Variants in PGM3 observed in about 807,000 individuals in gnomAD.
PGM3 encodes phosphoglucomutase 3, also known as phosphoacetylglucosamine mutase.
A neutral mutation model predicts 66.2 loss-of-function variants in PGM3; 40 were observed. The observed-to-expected ratio is 0.60, with a 90% CI of 0.47 to 0.79. PGM3 has a LOEUF of 0.79. Among genes scored for constraint, PGM3 ranks in the 30% least tolerant of loss-of-function variants. PGM3 has a pLI of 0.00. For synonymous variants in PGM3, 191 were observed against 224.2 expected, an observed-to-expected ratio of 0.85 and a Z score of 1.32; for missense variants, 537 against 643.4, an observed-to-expected ratio of 0.83 and a Z score of 1.79.
chr6:83,167,556 C>T lies in PGM3; in HGVS notation c.*1678G>A, dbSNP rs1786069843. The T allele has an allele frequency of 9.4e-7, 1 of 1,059,258 alleles. No individual in the cohort carries two copies. The highest frequency in any genetic ancestry group is 4.4e-5 in the South Asian group (1 of 22,938). 65.6% of individuals were successfully genotyped at this position (1,059,258 alleles called of 1,614,324 possible). On this transcript the variant is annotated 3_prime_UTR_variant, in exon 13 of 13. Transcript: ENST00000513973. ...AACCTGGGAGCTTTTTGAGTAAATA[C>T]AAAGCACAACATAAAACTTTTATGT...
At chr6:83,149,111 A>G in the PGM3 span, among the ~76,000 whole-genome samples, 2 of 152,186 alleles carry the variant, frequency 1.3e-5, no homozygotes, top group African/African-American at 4.8e-5. Context: ...AACTGTTACA[A>G]CAGTAGCTGT....
chr6:83,152,039 A>C, the PGM3 span: 1 of 1,613,742 alleles, frequency 6.2e-7, no homozygotes, highest in Middle Eastern at 1.6e-4. Flanking sequence ...TATTCTTGTC[A>C]AACATTTAGG....
In PGM3 at chr6:83,166,321, C is replaced by T. The variant is rs752035019; in HGVS notation, c.*2913G>A. ...TTCTCAATTGGTCATTATCAATTTC[C>T]GATGACTGGCCACTGCACTCCTCAT... On this transcript the variant is annotated 3_prime_UTR_variant, in exon 13 of 13. Coordinates refer to ENST00000513973, the MANE Select transcript of PGM3 (RefSeq NM_015599.3). 1.0e-4 allele frequency: 66 copies of T among 657,048 alleles called. No individual in the cohort carries two copies. Among genetic ancestry groups the T allele is most frequent in the Non-Finnish European group, 1.5e-4 (53 of 363,508 alleles). The allele number at this position is 657,048 out of a possible 1,614,324, so 40.7% of individuals were successfully genotyped here. A position where few individuals can be genotyped will look rare whatever the true frequency, so the allele number is the denominator to read the frequency against.
rs1459877414 is a variant in PGM3 at position 83,165,990 on chromosome 6, G to C, written c.*3244C>G. On this transcript the variant is annotated 3_prime_UTR_variant, in exon 13 of 13. Transcript: ENST00000513973. ...ATTTTTTGGAGCAAGTTTGGCTTTG[G>C]GAAGTGCTTTGGAGCTTCTTTCAGT... 19 of 325,966 alleles carry C rather than the reference G, an allele frequency of 5.8e-5. No individual in the cohort carries two copies. Among genetic ancestry groups the C allele is most frequent in the South Asian group, 4.8e-4 (15 of 31,340 alleles). 20.2% of individuals were successfully genotyped at this position (325,966 alleles called of 1,614,324 possible). A position where few individuals can be genotyped will look rare whatever the true frequency, so the allele number is the denominator to read the frequency against.
chr6:83,181,174 G>A (rs1024996799), intron 6 of PGM3, among the ~76,000 whole-genome samples: 69 of 152,146 alleles, frequency 4.5e-4, no homozygotes, highest in African/African-American at 1.6e-3. Context: ...CTCCTATTCT[G>A]CACTGAGTGG....
Position 83,169,125 on chromosome 6 carries a change from G to A in PGM3, c.*109C>T. 6.6e-7 allele frequency: 1 copy of A among 1,517,546 alleles called. No individual in the cohort carries two copies. Among genetic ancestry groups the A allele is most frequent in the Non-Finnish European group, 8.8e-7 (1 of 1,131,848 alleles). The allele number at this position is 1,517,546 out of a possible 1,614,324, so 94.0% of individuals were successfully genotyped here. A position where few individuals can be genotyped will look rare whatever the true frequency, so the allele number is the denominator to read the frequency against. On this transcript the variant is annotated 3_prime_UTR_variant, in exon 13 of 13. Transcript: ENST00000513973. ...AACAGATCTAGAGACAATCCAGTAG[G>A]CTGCATTGTAAACATTATGATTATA...
At chr6:83,152,099 G>A in the PGM3 span, 5 of 1,565,684 alleles carry the variant, frequency 3.2e-6, no homozygotes, top group Non-Finnish European at 4.4e-6. Context: ...ATTTTGCCTA[G>A]CACTATAAGT....
Position 83,165,769 on chromosome 6 carries a change from G to A in PGM3, c.*3465C>T. The A allele has an allele frequency of 4.0e-6, 1 of 247,384 alleles. No individual in the cohort carries two copies. Among genetic ancestry groups the A allele is most frequent in the Non-Finnish European group, 8.4e-6 (1 of 118,820 alleles). 15.3% of individuals were successfully genotyped at this position (247,384 alleles called of 1,614,324 possible). A position where few individuals can be genotyped will look rare whatever the true frequency, so the allele number is the denominator to read the frequency against. On this transcript the variant is annotated 3_prime_UTR_variant, in exon 13 of 13. Coordinates refer to ENST00000513973, the MANE Select transcript of PGM3 (RefSeq NM_015599.3). Reference sequence around the variant, plus strand: ...TAGTTCAATTTTCGAAGCGTTGGTTGTGCAACGTGCGGCCCAGTGTTGTCG... The same window carrying A: ...TAGTTCAATTTTCGAAGCGTTGGTTATGCAACGTGCGGCCCAGTGTTGTCG...
In PGM3 at chr6:83,166,354, G is replaced by C. The variant is rs776661540; in HGVS notation, c.*2880C>G. 5.7e-6 allele frequency: 4 copies of C among 696,102 alleles called. No individual in the cohort carries two copies. The highest frequency in any genetic ancestry group is 5.4e-5 in the East Asian group (2 of 37,180). The allele number at this position is 696,102 out of a possible 1,614,324, so 43.1% of individuals were successfully genotyped here. ...GGCCACTGCACTCCTCATCTTCAAG[G>C]CTCTAGTCTCCTTTGCAAAACTTCT... On this transcript the variant is annotated 3_prime_UTR_variant, in exon 13 of 13. Transcript: ENST00000513973.
chr6:83,179,784 G>C, intron 7 of PGM3, 26 bp downstream of exon 7: 1 of 1,574,354 alleles, frequency 6.4e-7, no homozygotes, highest in Non-Finnish European at 8.7e-7. Flanking sequence ...TCTTGTTTTA[G>C]AGGGTAGCCA....
At chr6:83,169,573 C>T in intron 12 of PGM3, 2 of 500,992 alleles carry the variant, frequency 4.0e-6, no homozygotes, top group African/African-American at 1.9e-5. Context: ...AAATAGCTAT[C>T]ATTCCACAAC....
chr6:83,189,119 G>A (rs764128083), intron 2 of PGM3, among the ~76,000 whole-genome samples: 30 of 152,132 alleles, frequency 2.0e-4, no homozygotes, highest in Admixed American at 6.5e-5. Flanking sequence ...TATTAAAACA[G>A]CAAGTCTATC....
At chr6:83,174,514 C>G in intron 9 of PGM3, 27 bp from the exon 10 acceptor site, 1 of 1,231,382 alleles carries the variant, frequency 8.1e-7, no homozygotes, top group East Asian at 2.5e-5. Flanking sequence ...TAAAATCAGT[C>G]TCAAAACACT....
Position 83,167,934 on chromosome 6 carries a change from A to C in PGM3, c.*1300T>G, listed in dbSNP as rs1408625896. ...AGGGCACTTGCTGCTCACCATCTGC[A>C]CCGTGCGCAGTATGGAGCAGCTCCT... On this transcript the variant is annotated 3_prime_UTR_variant, in exon 13 of 13. Coordinates refer to ENST00000513973, the MANE Select transcript of PGM3 (RefSeq NM_015599.3). The C allele has an allele frequency of 6.2e-7, 1 of 1,614,118 alleles. No individual in the cohort carries two copies. Among genetic ancestry groups the C allele is most frequent in the South Asian group, 1.1e-5 (1 of 91,074 alleles).
rs1294822180 is a variant in PGM3 at position 83,168,882 on chromosome 6, T to A, written c.*352A>T. 1 of 1,056,724 alleles carries A rather than the reference T, an allele frequency of 9.5e-7. No homozygotes were observed. The highest frequency in any genetic ancestry group is 1.1e-6 in the Non-Finnish European group (1 of 872,394). The allele number at this position is 1,056,724 out of a possible 1,614,324, so 65.5% of individuals were successfully genotyped here. A position where few individuals can be genotyped will look rare whatever the true frequency, so the allele number is the denominator to read the frequency against. On this transcript the variant is annotated 3_prime_UTR_variant, in exon 13 of 13. Coordinates refer to ENST00000513973, the MANE Select transcript of PGM3 (RefSeq NM_015599.3). Reference sequence around the variant, plus strand: ...GCAAAACATCATCTTGCTCATGTGATGGTGATGGCAAAGATATCACAAGGA... The same window carrying A: ...GCAAAACATCATCTTGCTCATGTGAAGGTGATGGCAAAGATATCACAAGGA...
chr6:83,151,121 T>C, the PGM3 span, among the ~76,000 whole-genome samples: 1 of 152,246 alleles, frequency 6.6e-6, no homozygotes, highest in Non-Finnish European at 1.5e-5. Flanking sequence ...ATATCTGTAA[T>C]TTTTCATTGT....
downstream of PGM3, among the ~76,000 whole-genome samples, chr6:83,158,803 G>A (rs1463822934): frequency 6.6e-6 from 1 of 152,090 alleles, no homozygotes; most frequent in African/African-American, 2.4e-5. Flanking sequence ...ATTGGATTAA[G>A]CCATCAGCAT....
At chr6:83,157,073 A>T (rs1782967559), downstream of PGM3, 2 of 1,074,032 alleles carry the variant, frequency 1.9e-6, no homozygotes, top group Non-Finnish European at 2.6e-6. Context: ...GAATTTTTTT[A>T]AAGTTTATCC....
downstream of PGM3, chr6:83,160,070 AT>A: frequency 9.8e-7 from 1 of 1,017,108 alleles, no homozygotes; most frequent in Non-Finnish European, 1.4e-6. Context: ...AATATTCCTA[AT>A]TTTTACTAAA....
Sources: gnomAD v4.1 joint callset for allele counts (sites outside exome capture counted in the v4.1 genomes callset) on GRCh38, gnomAD v4.1.1 for gene constraint, MANE v1.5 for transcripts, NCBI Gene and HGNC (gene_info 2026-07-23, HGNC 2026-07-21) for gene names.